DONSON: variants seen among roughly 807,000 people sequenced by gnomAD.
DONSON encodes the protein protein downstream neighbor of Son.
DONSON carries 43 observed loss-of-function variants against 62.1 expected under a neutral mutation model. The observed-to-expected ratio is 0.69, with a 90% CI of 0.54 to 0.89. DONSON has a LOEUF of 0.89. Among genes scored for constraint, DONSON ranks in the 40% least tolerant of loss-of-function variants. DONSON has a pLI of 0.00. For missense variants in DONSON, 696 were observed against 697.5 expected, an observed-to-expected ratio of 1.00 and a Z score of 0.03; for synonymous variants, 266 against 264.6, an observed-to-expected ratio of 1.01 and a Z score of -0.05.
chr21:33,581,754 C>T (rs2086513178), intron 7 of DONSON, among the ~76,000 whole-genome samples, 197 bp downstream of exon 7: 1 of 152,232 alleles, frequency 6.6e-6, no homozygotes, highest in Non-Finnish European at 1.5e-5. Context: ...CATAATTGAA[C>T]GTTTTGATTA....
At chr21:33,581,604 A>G (rs1400389596) in intron 7 of DONSON, 104 bp from the exon 8 acceptor site, 1 of 929,812 alleles carries the variant, frequency 1.1e-6, no homozygotes, top group East Asian at 2.6e-5. Flanking sequence ...CCATAATGAA[A>G]TGGAAATCCT....
Position 33,579,566 on chromosome 21 carries a change from CATGA to C in DONSON, c.1351-8_1351-5del. 2 of 1,606,218 alleles carry C rather than the reference CATGA, an allele frequency of 1.2e-6. No homozygotes were observed. The highest frequency in any genetic ancestry group is 1.7e-6 in the Non-Finnish European group (2 of 1,175,048). On this transcript the variant is annotated splice_region_variant and splice_polypyrimidine_tract_variant and intron_variant, in intron 8 of 9. Transcript: ENST00000303071. ...TCTTCACATTCACACTCCGTGCCTT[CATGA>C]AAATGTAAAGAAAAGGAAAATTAAG...
chr21:33,583,700 T>A, intron 4 of DONSON, 34 bp from the exon 5 acceptor site: 1 of 1,484,364 alleles, frequency 6.7e-7, no homozygotes, highest in African/African-American at 1.4e-5. Context: ...AAGGTATTAT[T>A]AAACATTTAA....
chr21:33,580,154 G>A (rs895696822), intron 8 of DONSON, among the ~76,000 whole-genome samples: 34 of 151,948 alleles, frequency 2.2e-4, no homozygotes, highest in African/African-American at 7.7e-4. Context: ...GCTTGAGCCC[G>A]TTAGGCAGAG....
chr21:33,588,249 A>G lies in DONSON; in HGVS notation c.321+72T>C. ...CTTGCCTCGAACGCGAGGACTTTCC[A>G]TCCCCCATTCACAGCTGGCTCAACC... On this transcript the variant is annotated intron_variant, in intron 1 of 9. Coordinates refer to ENST00000303071, the MANE Select transcript of DONSON (RefSeq NM_017613.4). 6 of 1,134,490 alleles carry G rather than the reference A, an allele frequency of 5.3e-6. No homozygotes were observed. In the South Asian group the frequency reaches 2.7e-4, roughly 51 times the overall value. 70.3% of individuals were successfully genotyped at this position (1,134,490 alleles called of 1,614,324 possible).
At position 33,585,387 on chromosome 21, in the gene DONSON, A is replaced by ATTT. The variant is rs773327167; in HGVS notation, c.606+588_606+590dup. Among the ~76,000 whole-genome samples the ATTT allele has an allele frequency of 5.6e-4, 61 of 109,812 alleles. 2 individuals are homozygous for ATTT. The highest frequency in any genetic ancestry group is 9.6e-4 in the South Asian group (3 of 3,130). The allele number at this position is 109,812 out of a possible 152,430, so 72.0% of individuals were successfully genotyped here. A position where few individuals can be genotyped will look rare whatever the true frequency, so the allele number is the denominator to read the frequency against. The stretch of plus-strand genomic sequence containing the variant: ...AGGCACCCACCACCATGCTCAGCTA[A>ATTT]TTTTTTTTTTTTTTTTTTTTTGTAG... On this transcript the variant is annotated intron_variant, in intron 3 of 9. Transcript: ENST00000303071.
intron 3 of DONSON, among the ~76,000 whole-genome samples, 183 bp downstream of exon 3, chr21:33,585,795 T>TAA (rs773701289): frequency 4.9e-5 from 7 of 143,234 alleles, no homozygotes; most frequent in Non-Finnish European, 1.1e-4. Flanking sequence ...CAATCTGACT[T>TAA]AAAAAAAAAA....
At chr21:33,584,810 G>A in intron 3 of DONSON, 42 bp from the exon 4 acceptor site, 1 of 1,417,630 alleles carries the variant, frequency 7.1e-7, no homozygotes, top group Non-Finnish European at 9.4e-7. Context: ...TGCCCATTGA[G>A]AAATAGAGAA....
chr21:33,584,140 G>A (rs975253593), intron 4 of DONSON, among the ~76,000 whole-genome samples: 4 of 149,716 alleles, frequency 2.7e-5, no homozygotes, highest in Admixed American at 2.7e-4. Context: ...TGCCTCCCAG[G>A]TTCATGCCAT....
intron 5 of DONSON, among the ~76,000 whole-genome samples, chr21:33,583,078 G>A (rs2086532298): frequency 6.6e-6 from 1 of 151,566 alleles, no homozygotes; most frequent in Non-Finnish European, 1.5e-5. Context: ...GCAGGCACCT[G>A]TAGTCCCAGC....
rs774616573 is a variant in DONSON at position 33,578,374 on chromosome 21, G to A, written c.1634C>T (p.Pro545Leu). Reference protein sequence around the residue: ...PNTLEQLSQIPLLGKSSLRNV... With the variant: ...PNTLEQLSQILLLGKSSLRNV... Reference sequence around the variant, plus strand: ...CCGTAAAGATGATTTCCCAAGTAACGGTATTTGACTAAGTTGCTCCAGAGT... The same window carrying A: ...CCGTAAAGATGATTTCCCAAGTAACAGTATTTGACTAAGTTGCTCCAGAGT... Residue 545 changes from proline (P) to leucine (L), a missense_variant, in exon 10 of 10, where the codon CCG (proline) becomes CTG (leucine). By Grantham distance (98) the Pro-to-Leu change is moderately conservative (BLOSUM62 -3). Coordinates refer to ENST00000303071, the MANE Select transcript of DONSON (RefSeq NM_017613.4). 8.1e-6 allele frequency: 13 copies of A among 1,613,802 alleles called. No individual in the cohort carries two copies. Among genetic ancestry groups the A allele is most frequent in the Non-Finnish European group, 1.0e-5 (12 of 1,179,934 alleles).
In DONSON at chr21:33,586,139, T is replaced by A; in HGVS notation, c.445A>T (p.Lys149Ter). The part of the protein sequence containing the change: ...SFSEPDIPSS[K>*]STELPVDWSI... ...CAGTCCACAGGTAACTCAGTACTTTTTGAGGACGGAATATCAGGCTCGGAG... is the reference window on the plus strand; with the variant it reads ...CAGTCCACAGGTAACTCAGTACTTTATGAGGACGGAATATCAGGCTCGGAG... Residue 149 changes from lysine to a stop codon, truncating the protein, a stop_gained, in exon 3 of 10, where the codon AAA (lysine) becomes TAA (stop). Coordinates refer to ENST00000303071, the MANE Select transcript of DONSON (RefSeq NM_017613.4). LOFTEE classifies it high-confidence loss of function. 1 of 1,614,178 alleles carries A rather than the reference T, an allele frequency of 6.2e-7. No homozygotes were observed. The highest frequency in any genetic ancestry group is 8.5e-7 in the Non-Finnish European group (1 of 1,180,038).
At chr21:33,581,600 T>C in intron 7 of DONSON, 100 bp from the exon 8 acceptor site, 3 of 963,158 alleles carry the variant, frequency 3.1e-6, no homozygotes, top group Admixed American at 2.6e-5. Flanking sequence ...TTCTCCATAA[T>C]GAAATGGAAA....
chr21:33,580,351 C>T (rs1211991167), intron 8 of DONSON, among the ~76,000 whole-genome samples: 8 of 146,744 alleles, frequency 5.5e-5, no homozygotes, highest in Non-Finnish European at 7.5e-5. Flanking sequence ...GTCAGGAGTT[C>T]GAGACCACCC....
chr21:33,579,536 T>C lies in DONSON; in HGVS notation c.1377A>G (p.Gln459=). The C allele has an allele frequency of 6.2e-7, 1 of 1,614,156 alleles. No homozygotes were observed. The highest frequency in any genetic ancestry group is 2.2e-5 in the East Asian group (1 of 44,882). Residue 459 remains glutamine, a synonymous_variant, in exon 9 of 10, where the codon CAA becomes CAG. Transcript: ENST00000303071. ...LKARSVNVKT[Q]ALSGYRDQFS... ...ATTGGTCTCTGTATCCAGAAAGAGC[T>C]TGTGTCTTCACATTCACACTCCGTG...
chr21:33,587,753 T>C, intron 1 of DONSON, 151 bp from the exon 2 acceptor site: 1 of 559,226 alleles, frequency 1.8e-6, no homozygotes, highest in Non-Finnish European at 3.2e-6. Flanking sequence ...GTTTCAACAC[T>C]TCAGTTTTGT....
intron 2 of DONSON, 87 bp downstream of exon 2, chr21:33,587,435 A>AT: frequency 6.9e-7 from 1 of 1,455,852 alleles, no homozygotes; most frequent in Non-Finnish European, 9.0e-7. Context: ...TCTGAGAAGT[A>AT]TAAATGTATT....
At position 33,585,969 on chromosome 21, in the gene DONSON, CAG is replaced by C; in HGVS notation, c.606+7_606+8del. The C allele has an allele frequency of 6.2e-7, 1 of 1,613,498 alleles. No individual in the cohort carries two copies. Among genetic ancestry groups the C allele is most frequent in the East Asian group, 2.2e-5 (1 of 44,880 alleles). Reference sequence around the variant, plus strand: ...ACTTTAACACATAACTATTTTATTTCAGAGTTACCTGTATACTTTTAGGCAAA... The same window carrying C: ...ACTTTAACACATAACTATTTTATTTCAGTTACCTGTATACTTTTAGGCAAA... On this transcript the variant is annotated splice_region_variant and intron_variant, in intron 3 of 9. Coordinates refer to ENST00000303071, the MANE Select transcript of DONSON (RefSeq NM_017613.4).
chr21:33,580,531 A>C (rs1335979516), intron 8 of DONSON, among the ~76,000 whole-genome samples: 1 of 132,756 alleles, frequency 7.5e-6, no homozygotes, highest in East Asian at 2.5e-4. Context: ...CTGTGGTCCG[A>C]TACTCGAGAG....
Sources: gnomAD v4.1 joint callset for allele counts (sites outside exome capture counted in the v4.1 genomes callset) on GRCh38, gnomAD v4.1.1 for gene constraint, MANE v1.5 for transcripts, NCBI Gene and HGNC (gene_info 2026-07-23, HGNC 2026-07-21) for gene names.